TENM2: variants seen among roughly 807,000 people sequenced by gnomAD.
The protein encoded by TENM2 is teneurin transmembrane protein 2.
Under a neutral mutation model 245.2 loss-of-function variants are expected in TENM2, and 52 were observed. That is an observed-to-expected ratio of 0.21 (90% CI 0.17 to 0.27). TENM2 has a LOEUF of 0.27. TENM2 is among the 10% of genes least tolerant of loss of function. TENM2 has a pLI of 1.00. For missense variants in TENM2, 3,046 were observed against 3,666.8 expected, an observed-to-expected ratio of 0.83 and a Z score of 4.37; for synonymous variants, 1,363 against 1,438.9, an observed-to-expected ratio of 0.95 and a Z score of 1.19.
chr5:167,984,008 C>A (rs1395248082), intron 4 of TENM2, among the ~76,000 whole-genome samples: 2 of 152,198 alleles, frequency 1.3e-5, no homozygotes, highest in Non-Finnish European at 2.9e-5. Flanking sequence ...CACTGGATGT[C>A]AATCTCAATG....
At chr5:168,092,337 A>C (rs1200123125) in intron 8 of TENM2, among the ~76,000 whole-genome samples, 2 of 152,200 alleles carry the variant, frequency 1.3e-5, no homozygotes. Context: ...CATGGGCCTA[A>C]TCTGGCCCAC....
chr5:167,047,504 A>G, the TENM2 span, among the ~76,000 whole-genome samples: 10 of 151,996 alleles, frequency 6.6e-5, no homozygotes, highest in Non-Finnish European at 1.2e-4. Context: ...AATTAGAAAG[A>G]AAGTTCCAAA....
intron 2 of TENM2, among the ~76,000 whole-genome samples, chr5:167,775,069 A>T (rs1270274700): frequency 1.3e-5 from 2 of 152,102 alleles, no homozygotes; most frequent in African/African-American, 4.8e-5. Context: ...TCCCGAGTTC[A>T]AGCAGTTCTC....
intron 3 of TENM2, among the ~76,000 whole-genome samples, chr5:167,944,745 A>G (rs897417996): frequency 6.6e-6 from 1 of 152,246 alleles, no homozygotes; most frequent in African/African-American, 2.4e-5. Flanking sequence ...ATGTTCTAAA[A>G]TTAGATAGTG....
intron 2 of TENM2, among the ~76,000 whole-genome samples, chr5:167,398,203 CAGAT>C (rs915891751): frequency 1.1e-4 from 17 of 152,102 alleles, no homozygotes; most frequent in Non-Finnish European, 1.6e-4. Flanking sequence ...ATTTTGGAGT[CAGAT>C]AGACAAGTGT....
intron 2 of TENM2, among the ~76,000 whole-genome samples, chr5:167,562,654 C>T (rs1054910956): frequency 6.6e-6 from 1 of 152,068 alleles, no homozygotes; most frequent in African/African-American, 2.4e-5. Context: ...GCTGCTTGGC[C>T]AACCTTGTGA....
At chr5:167,747,746 A>G (rs1761691954) in intron 2 of TENM2, among the ~76,000 whole-genome samples, 1 of 152,126 alleles carries the variant, frequency 6.6e-6, no homozygotes, top group Non-Finnish European at 1.5e-5. Flanking sequence ...GTATCCTATG[A>G]CTATTTTTCC....
rs747129662 is a variant in TENM2, at chr5:167,497,758, T to C, written c.502+122285T>C. ...CCTTTATCATCATCCTTAATTAATA[T>C]TTATTGGGTACCCATAGGGTGAATG... On this transcript the variant is annotated intron_variant, in intron 2 of 28. Coordinates refer to ENST00000518659, the Ensembl canonical transcript of TENM2. 1.2e-4 allele frequency among the ~76,000 whole-genome samples: 19 copies of C among 152,024 alleles called. 1 individual carries two copies. The highest frequency in any genetic ancestry group is 2.6e-4 in the Admixed American group (4 of 15,248).
At chr5:167,797,921 CA>C (rs2150930588) in intron 2 of TENM2, among the ~76,000 whole-genome samples, 1 of 152,340 alleles carries the variant, frequency 6.6e-6, no homozygotes. Context: ...ATGACTCCAA[CA>C]GAGTTGCATG....
chr5:167,522,633 A>G (rs1442967469), intron 2 of TENM2, among the ~76,000 whole-genome samples: 1 of 152,170 alleles, frequency 6.6e-6, no homozygotes, highest in African/African-American at 2.4e-5. Flanking sequence ...ATAAAAATAA[A>G]AATCTACTTA....
intron 2 of TENM2, among the ~76,000 whole-genome samples, chr5:167,851,824 T>TA (rs1770610155): frequency 6.6e-6 from 1 of 152,322 alleles, no homozygotes; most frequent in Non-Finnish European, 1.5e-5. Flanking sequence ...TTCTCCCATG[T>TA]AAAAAATAAA....
At chr5:167,515,649 A>G (rs1405364447) in intron 2 of TENM2, among the ~76,000 whole-genome samples, 4 of 131,498 alleles carry the variant, frequency 3.0e-5, no homozygotes, top group Admixed American at 1.5e-4. Context: ...GTATATATAT[A>G]CACATATATA....
chr5:168,243,974 C>T (rs111494730), intron 25 of TENM2, among the ~76,000 whole-genome samples: 5,315 of 140,710 alleles, frequency 0.038, 151 homozygotes, highest in Middle Eastern at 0.081. Context: ...GAGTCTCACT[C>T]TGTCACCCAG....
intron 1 of TENM2, among the ~76,000 whole-genome samples, chr5:167,319,332 G>T (rs777141882): frequency 7.2e-5 from 11 of 152,162 alleles, no homozygotes; most frequent in Non-Finnish European, 1.3e-4. Flanking sequence ...TTTAAATGGA[G>T]GTAATACTAC....
intron 24 of TENM2, among the ~76,000 whole-genome samples, chr5:168,227,477 C>T (rs1033558771): frequency 2.5e-5 from 3 of 119,658 alleles, no homozygotes; most frequent in Non-Finnish European, 3.3e-5. Flanking sequence ...TTGGGTTAGA[C>T]GGCAGGCAAA....
chr5:167,949,154 C>T (rs1469287386), intron 3 of TENM2, among the ~76,000 whole-genome samples: 1 of 152,150 alleles, frequency 6.6e-6, no homozygotes, highest in East Asian at 1.9e-4. Flanking sequence ...GCGTCAGTAA[C>T]ATAAATACAT....
intron 1 of TENM2, among the ~76,000 whole-genome samples, chr5:167,363,761 A>T (rs919290709): frequency 2.0e-5 from 3 of 151,416 alleles, no homozygotes; most frequent in Admixed American, 6.6e-5. Flanking sequence ...AGAAAAAGAA[A>T]AAAGAGAAAA....
chr5:167,608,790 C>G (rs375827706), intron 2 of TENM2, among the ~76,000 whole-genome samples: 1 of 152,094 alleles, frequency 6.6e-6, no homozygotes, highest in Non-Finnish European at 1.5e-5. Context: ...CCTGAAAATG[C>G]TTTTGTGCTT....
chr5:168,115,406 AAGG>A (rs1794998581), intron 9 of TENM2, among the ~76,000 whole-genome samples: 1 of 101,006 alleles, frequency 9.9e-6, no homozygotes, highest in African/African-American at 4.1e-5. Context: ...GGAAGGAAGG[AAGG>A]GAAAGGAAAG....
Sources: allele counts gnomAD v4.1 joint callset (sites outside exome capture counted in the v4.1 genomes callset), GRCh38; gene constraint gnomAD v4.1.1; transcripts MANE v1.5; gene names NCBI Gene and HGNC (gene_info 2026-07-23, HGNC 2026-07-21).